Variants in MRPS31 observed in about 807,000 individuals in gnomAD.
MRPS31 encodes small ribosomal subunit protein mS31.
MRPS31 carries 32 observed loss-of-function variants against 43.1 expected under a neutral mutation model. The ratio of observed to expected loss-of-function variants is 0.74; its 90% CI spans 0.56 to 1.00. MRPS31 has a LOEUF of 1.00. Among genes scored for constraint, MRPS31 ranks in the 50% least tolerant of loss-of-function variants. MRPS31 has a pLI of 0.00. For synonymous variants in MRPS31, 165 were observed against 161.6 expected (o/e 1.02, Z -0.16); for missense variants, 437 against 466.7 (o/e 0.94, Z 0.59).
rs192058547 is a variant in MRPS31, at chr13:40,747,796, T to C, written c.958+1342A>G. 3.0e-4 allele frequency among the ~76,000 whole-genome samples: 46 copies of C among 152,136 alleles called. No individual in the cohort carries two copies. The East Asian group carries it at 7.4e-3, about 24-fold the overall frequency. On this transcript the variant is annotated intron_variant, in intron 6 of 6. Transcript: ENST00000323563. ...AGGAGGAGGTTGCAGTGAGCCAAGA[T>C]AGCACCACTGCACTCCAGCCTGGAT...
intron 6 of MRPS31, among the ~76,000 whole-genome samples, chr13:40,739,550 T>C (rs1232473196): frequency 6.6e-6 from 1 of 152,150 alleles, no homozygotes; most frequent in Non-Finnish European, 1.5e-5. Context: ...ACTACAAGGC[T>C]ACAGTAACCA....
intron 6 of MRPS31, among the ~76,000 whole-genome samples, chr13:40,735,623 C>G (rs1593441342): frequency 6.6e-6 from 1 of 152,138 alleles, no homozygotes; most frequent in Non-Finnish European, 1.5e-5. Context: ...GTCCCTGACC[C>G]CTGACCCCCG....
chr13:40,760,109 C>G lies in MRPS31; in HGVS notation c.441-1003G>C, dbSNP rs1284921912. Among the ~76,000 whole-genome samples, 3 of 143,404 alleles carry G rather than the reference C, an allele frequency of 2.1e-5. No individual in the cohort carries two copies. The Admixed American group carries it at 2.1e-4, about 10-fold the overall frequency. The allele number at this position is 143,404 out of a possible 152,430, so 94.1% of individuals were successfully genotyped here. A position where few individuals can be genotyped will look rare whatever the true frequency, so the allele number is the denominator to read the frequency against. ...CCAGGATTGCGCCACTGCACTCCAGCCTGGGTGTCAGAACTAGACTCTGTC... is the reference window on the plus strand; with the variant it reads ...CCAGGATTGCGCCACTGCACTCCAGGCTGGGTGTCAGAACTAGACTCTGTC... On this transcript the variant is annotated intron_variant, in intron 2 of 6. Coordinates refer to ENST00000323563, the MANE Select transcript of MRPS31 (RefSeq NM_005830.4).
chr13:40,766,654 C>T (rs1880856156), intron 2 of MRPS31, 92 bp downstream of exon 2: 1 of 1,214,026 alleles, frequency 8.2e-7, no homozygotes, highest in Admixed American at 2.6e-5. Flanking sequence ...ATTAATTCAA[C>T]ATTTCCCAAG....
rs549652387 is a variant in MRPS31 at position 40,754,467 on chromosome 13, G to A, written c.741-375C>T. On this transcript the variant is annotated intron_variant, in intron 4 of 6. Coordinates refer to ENST00000323563, the MANE Select transcript of MRPS31 (RefSeq NM_005830.4). ...TTAAACTCAACATTTGTCTTTAAGG[G>A]CAGAAAACACTGCAATGTTTAATTA... Among the ~76,000 whole-genome samples, 65 of 152,304 alleles carry A rather than the reference G, an allele frequency of 4.3e-4. 1 individual carries two copies. The highest frequency in any genetic ancestry group is 1.5e-3 in the African/African-American group (62 of 41,578).
At chr13:40,761,623 A>AACTT (rs145996866) in intron 2 of MRPS31, among the ~76,000 whole-genome samples, 9,601 of 152,272 alleles carry the variant, frequency 0.063, 440 homozygotes, top group Non-Finnish European at 0.11. Flanking sequence ...ATGTAAGGAG[A>AACTT]ACTTGTTAAA....
chr13:40,753,920 G>C, intron 5 of MRPS31, 99 bp downstream of exon 5: 2 of 784,704 alleles, frequency 2.5e-6, no homozygotes. Context: ...GCCAATGACA[G>C]AATGGAATAT....
At position 40,754,037 on chromosome 13, in the gene MRPS31, TA is replaced by T. The variant is rs765092666; in HGVS notation, c.795del (p.Glu267LysfsTer20). The T allele has an allele frequency of 1.2e-6, 2 of 1,600,198 alleles. No homozygotes were observed. The highest frequency in any genetic ancestry group is 2.2e-5 in the South Asian group (2 of 89,146). On this transcript the variant is annotated frameshift_variant, in exon 5 of 7. Coordinates refer to ENST00000323563, the MANE Select transcript of MRPS31 (RefSeq NM_005830.4). LOFTEE classifies it high-confidence loss of function. ...AACAAACCTGTTTCAGGTGCTTCTT[TA>T]GTAACTGCCATCATGTCAAAAATAT... The part of the protein sequence containing the change: ...RLNIFDMMAV[T>X]KEAPETDTSP...
At chr13:40,729,719 A>G (rs1259551100) in intron 6 of MRPS31, 118 bp from the exon 7 acceptor site, 4 of 692,414 alleles carry the variant, frequency 5.8e-6, no homozygotes, top group South Asian at 2.1e-5. Flanking sequence ...TTGGAGTTAG[A>G]CCTAGGTTGC....
chr13:40,761,267 C>CA (rs11440084), intron 2 of MRPS31, among the ~76,000 whole-genome samples: 64,422 of 136,562 alleles, frequency 0.47, 16,078 homozygotes, highest in East Asian at 0.73. Context: ...AGTCTGTCTC[C>CA]AAAAAAAAAA....
rs772400596 is a variant in MRPS31 at position 40,771,048 on chromosome 13, G to C, written c.89C>G (p.Ala30Gly). 1 of 1,614,132 alleles carries C rather than the reference G, an allele frequency of 6.2e-7. No homozygotes were observed. The highest frequency in any genetic ancestry group is 8.5e-7 in the Non-Finnish European group (1 of 1,180,022). ...SSGSPETSAA[A>G]IMLLTVRHGT... is the part of the protein sequence containing the mutation. ...GTGCCGAACAGTGAGTAGCATAATC[G>C]CAGCCGCTGATGTCTCCGGGCTTCC... Residue 30 changes from alanine to glycine, a missense_variant, in exon 1 of 7, where the codon GCG (alanine) becomes GGG (glycine). Coordinates refer to ENST00000323563, the MANE Select transcript of MRPS31 (RefSeq NM_005830.4).
intron 6 of MRPS31, among the ~76,000 whole-genome samples, chr13:40,733,676 G>C (rs1183971715): frequency 6.6e-6 from 1 of 152,124 alleles, no homozygotes; most frequent in Non-Finnish European, 1.5e-5. Flanking sequence ...AACAACATAA[G>C]ACAGTGGAGT....
chr13:40,765,688 A>G (rs960015819), intron 2 of MRPS31, among the ~76,000 whole-genome samples: 2 of 152,228 alleles, frequency 1.3e-5, no homozygotes, highest in Non-Finnish European at 2.9e-5. Context: ...AAGAAGTTCC[A>G]TTAAAATGTT....
intron 6 of MRPS31, among the ~76,000 whole-genome samples, chr13:40,732,512 T>C (rs774625417): frequency 2.0e-5 from 3 of 152,164 alleles, no homozygotes; most frequent in Non-Finnish European, 4.4e-5. Context: ...GGCAGGAGGA[T>C]AGCTTGAAGC....
intron 6 of MRPS31, among the ~76,000 whole-genome samples, chr13:40,748,377 G>A (rs1332115332): frequency 2.6e-5 from 4 of 152,152 alleles, no homozygotes; most frequent in Non-Finnish European, 5.9e-5. Flanking sequence ...GGCTGGTCTC[G>A]AACTCCTGAA....
chr13:40,756,836 A>T (rs553486308), intron 4 of MRPS31, 37 bp downstream of exon 4: 1 of 1,607,812 alleles, frequency 6.2e-7, no homozygotes, highest in Non-Finnish European at 8.5e-7. Flanking sequence ...AAAACAAACT[A>T]CACAAACAAA....
intron 6 of MRPS31, among the ~76,000 whole-genome samples, chr13:40,739,622 A>T (rs1376698907): frequency 6.6e-6 from 1 of 152,218 alleles, no homozygotes; most frequent in Admixed American, 6.5e-5. Context: ...CAGAGCCCTC[A>T]GAAGTAACGC....
intron 6 of MRPS31, among the ~76,000 whole-genome samples, chr13:40,737,188 C>T (rs1200348917): frequency 4.6e-5 from 7 of 151,294 alleles, no homozygotes; most frequent in East Asian, 2.0e-4. Flanking sequence ...ACAAAGAAGG[C>T]CATTACATAA....
intron 6 of MRPS31, among the ~76,000 whole-genome samples, chr13:40,737,855 C>T (rs1371297295): frequency 2.0e-5 from 3 of 151,720 alleles, no homozygotes; most frequent in African/African-American, 7.3e-5. Flanking sequence ...AAAATTGACA[C>T]CCTAACATCA....
Sources: gnomAD v4.1 joint callset for allele counts (sites outside exome capture counted in the v4.1 genomes callset) on GRCh38, gnomAD v4.1.1 for gene constraint, MANE v1.5 for transcripts, NCBI Gene and HGNC (gene_info 2026-07-23, HGNC 2026-07-21) for gene names.